Variants in ATP2B1 observed in about 807,000 individuals in gnomAD.
The protein encoded by ATP2B1 is plasma membrane calcium-transporting ATPase 1.
In ATP2B1, 14 loss-of-function variants were observed where a neutral mutation model predicts 124.2. That is an observed-to-expected ratio of 0.11 (90% CI 0.07 to 0.18). The LOEUF is 0.18. ATP2B1 is among the 10% of genes least tolerant of loss of function. The pLI, the probability that ATP2B1 is intolerant of heterozygous loss-of-function variation, is 1.00. For missense variants in ATP2B1, 763 were observed against 1,466.1 expected (o/e 0.52, Z 7.83); for synonymous variants, 449 against 492.4 (o/e 0.91, Z 1.17).
rs1270609447 is a variant in ATP2B1 at position 89,591,010 on chromosome 12, G to T, written c.3637C>A (p.Leu1213Ile). ...SATSSSPGSP[L>I]HSLETSL ...CAGAGTGATGTTTCCAAACTATGTA[G>T]TGGGCTTCCTGGGGATGAAGAGGTA... The change falls in exon 21 of 21, where the codon CTA (leucine) becomes ATA (isoleucine). Residue 1213 changes from leucine to isoleucine, a missense_variant. This residue lies in a region of ATP2B1 where 97 missense variants were observed against 94.7 expected (regional missense o/e 1.02). Transcript: ENST00000428670. The T allele has an allele frequency of 6.2e-7, 1 of 1,612,726 alleles. No homozygotes were observed. The highest frequency in any genetic ancestry group is 1.3e-5 in the African/African-American group (1 of 74,836).
In ATP2B1 at chr12:89,677,954, T is replaced by TTATATATATATATGTATATATATATA. The variant is rs1491452210; in HGVS notation, c.-221-21848_-221-21847insTATATATATATACATATATATATATA. On this transcript the variant is annotated intron_variant, in intron 1 of 20. Coordinates refer to ENST00000428670, the MANE Select transcript of ATP2B1 (RefSeq NM_001366521.1). Reference sequence around the variant, plus strand: ...TCAGGGGGTTGGGGGCATGCAGGAATTATATATATATATATATACACACAC... The same window carrying TTATATATATATATGTATATATATATA: ...TCAGGGGGTTGGGGGCATGCAGGAATTATATATATATATGTATATATATATATATATATATATATATATACACACAC... Among the ~76,000 whole-genome samples, 125 of 68,744 alleles carry TTATATATATATATGTATATATATATA rather than the reference T, an allele frequency of 1.8e-3. 10 individuals are homozygous for TTATATATATATATGTATATATATATA. The highest frequency in any genetic ancestry group is 3.6e-3 in the Admixed American group (27 of 7,402). 45.1% of individuals were successfully genotyped at this position (68,744 alleles called of 152,430 possible).
intron 1 of ATP2B1, among the ~76,000 whole-genome samples, chr12:89,659,925 A>C (rs1341167716): frequency 6.0e-5 from 9 of 149,938 alleles, no homozygotes; most frequent in East Asian, 1.9e-4. Flanking sequence ...CAAAAAAAAA[A>C]AAAAACAAAA....
At chr12:89,598,493 C>A in intron 20 of ATP2B1, 1 of 1,366,414 alleles carries the variant, frequency 7.3e-7, no homozygotes, top group East Asian at 2.4e-5. Flanking sequence ...TATGAAAAAG[C>A]CTGAACAATG....
At chr12:89,668,240 G>A (rs1045512601) in intron 1 of ATP2B1, among the ~76,000 whole-genome samples, 5 of 152,078 alleles carry the variant, frequency 3.3e-5, no homozygotes, top group African/African-American at 1.2e-4. Context: ...GCTTCCTGAG[G>A]GCAGAGCAGT....
intron 19 of ATP2B1, among the ~76,000 whole-genome samples, chr12:89,600,812 C>G (rs1875667836): frequency 1.3e-5 from 2 of 152,162 alleles, no homozygotes; most frequent in South Asian, 4.1e-4. Flanking sequence ...CCATGCCCAG[C>G]TAATTTTTAT....
chr12:89,611,450 G>T, intron 12 of ATP2B1, 78 bp from the exon 13 acceptor site: 1 of 1,206,544 alleles, frequency 8.3e-7, no homozygotes, highest in Non-Finnish European at 1.1e-6. Context: ...GCACACGACT[G>T]CATTAATTTA....
intron 8 of ATP2B1, among the ~76,000 whole-genome samples, chr12:89,625,610 GAAAAGAAA>G (rs1880745928): frequency 7.4e-6 from 1 of 134,726 alleles, no homozygotes; most frequent in Admixed American, 7.4e-5. Context: ...AAAAAGAAAA[GAAAAGAAA>G]AAAAGAAAAA....
chr12:89,611,179 T>A lies in ATP2B1; in HGVS notation c.2247+14A>T. The A allele has an allele frequency of 6.4e-7, 1 of 1,568,380 alleles. No individual in the cohort carries two copies. Among genetic ancestry groups the A allele is most frequent in the African/African-American group, 1.4e-5 (1 of 72,600 alleles). ...CATCTGTCAACCAAAAACAAAATAATAATAAATCTTTACCTCTCCTTTTTC... is the reference window on the plus strand; with the variant it reads ...CATCTGTCAACCAAAAACAAAATAAAAATAAATCTTTACCTCTCCTTTTTC... On this transcript the variant is annotated intron_variant, in intron 13 of 20. Coordinates refer to ENST00000428670, the MANE Select transcript of ATP2B1 (RefSeq NM_001366521.1).
intron 15 of ATP2B1, among the ~76,000 whole-genome samples, chr12:89,608,506 T>C (rs1877395122): frequency 6.6e-6 from 1 of 150,752 alleles, no homozygotes; most frequent in African/African-American, 2.4e-5. Flanking sequence ...ACTTTTGATG[T>C]TATCATTTAA....
chr12:89,591,269 A>G lies in ATP2B1; in HGVS notation c.3378T>C (p.Ser1126=). Residue 1126 remains serine (S), a synonymous_variant, in exon 21 of 21, where the codon AGT becomes AGC. Coordinates refer to ENST00000428670, the MANE Select transcript of ATP2B1 (RefSeq NM_001366521.1). ...TQIRVVNAFR[S]SLYEGLEKPE... ...GTTTTTCTAACCCTTCATATAAAGA[A>G]CTACGAAATGCATTCACCACTCGAA... 1 of 1,610,946 alleles carries G rather than the reference A, an allele frequency of 6.2e-7. No homozygotes were observed. The highest frequency in any genetic ancestry group is 8.5e-7 in the Non-Finnish European group (1 of 1,178,110).
intron 2 of ATP2B1, among the ~76,000 whole-genome samples, chr12:89,645,668 TAGA>T (rs1200834863): frequency 6.6e-6 from 1 of 152,054 alleles, no homozygotes; most frequent in African/African-American, 2.4e-5. Context: ...AAAACAAGAT[TAGA>T]AGATTTACTA....
intron 20 of ATP2B1, chr12:89,594,753 A>G (rs1874254940): frequency 6.6e-6 from 1 of 151,958 alleles, no homozygotes; most frequent in Non-Finnish European, 1.5e-5. Context: ...CTACAAAACC[A>G]ATTTTTCTAA....
intron 12 of ATP2B1, among the ~76,000 whole-genome samples, chr12:89,614,337 C>T (rs1248899558): frequency 6.6e-6 from 1 of 152,054 alleles, no homozygotes; most frequent in Admixed American, 6.6e-5. Context: ...AGACTCCTTC[C>T]TTAAAGAAAA....
Position 89,616,799 on chromosome 12 carries a change from C to T in ATP2B1, c.2067+3G>A, listed in dbSNP as rs373104450. 1.2e-6 allele frequency: 2 copies of T among 1,610,640 alleles called. No individual in the cohort carries two copies. Among genetic ancestry groups the T allele is most frequent in the Non-Finnish European group, 1.7e-6 (2 of 1,177,084 alleles). ...ACATGCAGAACACAGAATGTTTCAC[C>T]ACCTCAGGTCTCACAGGATCTTCAA... On this transcript the variant is annotated splice_donor_region_variant and intron_variant, in intron 12 of 20. Transcript: ENST00000428670.
intron 1 of ATP2B1, among the ~76,000 whole-genome samples, chr12:89,701,522 G>A (rs1424043531): frequency 6.6e-6 from 1 of 152,154 alleles, no homozygotes; most frequent in Non-Finnish European, 1.5e-5. Context: ...GAAGGTTAAG[G>A]AAATTTTTCT....
At chr12:89,645,827 T>G (rs1301819431) in intron 2 of ATP2B1, among the ~76,000 whole-genome samples, 1 of 152,158 alleles carries the variant, frequency 6.6e-6, no homozygotes, top group Non-Finnish European at 1.5e-5. Context: ...TGAAAACAAT[T>G]AAAGCAGAGT....
intron 1 of ATP2B1, among the ~76,000 whole-genome samples, chr12:89,698,753 C>A (rs906114260): frequency 6.6e-6 from 1 of 152,200 alleles, no homozygotes; most frequent in Non-Finnish European, 1.5e-5. Flanking sequence ...TTTGGAGACA[C>A]AGACACAGCC....
chr12:89,599,385 G>T, intron 19 of ATP2B1, 86 bp from the exon 20 acceptor site: 4 of 1,409,570 alleles, frequency 2.8e-6, no homozygotes, highest in Non-Finnish European at 3.9e-6. Context: ...TATTAAAAGT[G>T]GTGAGAGTAT....
intron 1 of ATP2B1, among the ~76,000 whole-genome samples, chr12:89,671,270 A>C (rs1887943263): frequency 6.6e-6 from 1 of 152,194 alleles, no homozygotes; most frequent in Non-Finnish European, 1.5e-5. Flanking sequence ...AAAAGCATTT[A>C]ACAGTCAGAA....
Sources: gnomAD v4.1 joint callset for allele counts (sites outside exome capture counted in the v4.1 genomes callset) on GRCh38, gnomAD v4.1.1 for gene constraint, gnomAD v4.1.1 regional missense constraint, MANE v1.5 for transcripts, NCBI Gene and HGNC (gene_info 2026-07-23, HGNC 2026-07-21) for gene names.